The following IL1RAP variants were observed in gnomAD, a reference collection of about 807,000 sequenced individuals.
IL1RAP encodes interleukin 1 receptor accessory protein.
IL1RAP carries 35 observed loss-of-function variants against 60.7 expected under a neutral mutation model. The observed-to-expected ratio is 0.58, with a 90% CI of 0.44 to 0.76. The LOEUF (loss-of-function observed/expected upper bound fraction) is 0.76. Among genes scored for constraint, IL1RAP ranks in the 30% least tolerant of loss-of-function variants. The pLI is 0.00. For missense variants in IL1RAP, 572 were observed against 693.9 expected (o/e 0.82, Z 1.97); for synonymous variants, 268 against 250.9 (o/e 1.07, Z -0.64).
chr3:190,586,029 C>A (rs1216219531), intron 3 of IL1RAP, among the ~76,000 whole-genome samples: 1 of 152,012 alleles, frequency 6.6e-6, no homozygotes, highest in Non-Finnish European at 1.5e-5. Context: ...AGCCTGGACT[C>A]CTCCCCTTGG....
At chr3:190,632,704 T>G (rs1436235802) in intron 9 of IL1RAP, among the ~76,000 whole-genome samples, 1 of 152,226 alleles carries the variant, frequency 6.6e-6, no homozygotes, top group Non-Finnish European at 1.5e-5. Flanking sequence ...TATCCTTCTG[T>G]GTTTTCTTCT....
downstream of IL1RAP, among the ~76,000 whole-genome samples, chr3:190,651,949 G>A (rs1734420513): frequency 2.0e-5 from 3 of 152,080 alleles, no homozygotes; most frequent in East Asian, 1.9e-4. Context: ...GTCGTTTACA[G>A]GAATATTTTT....
intron 1 of IL1RAP, among the ~76,000 whole-genome samples, chr3:190,549,190 G>A (rs971528594): frequency 1.3e-5 from 2 of 152,094 alleles, no homozygotes; most frequent in Non-Finnish European, 2.9e-5. Flanking sequence ...TCCCACCCAG[G>A]AACAAGAGGA....
intron 1 of IL1RAP, among the ~76,000 whole-genome samples, chr3:190,538,684 T>TA (rs748921728): frequency 6.6e-6 from 1 of 152,180 alleles, no homozygotes; most frequent in Non-Finnish European, 1.5e-5. Flanking sequence ...AAGGGACTGA[T>TA]ATGGTTTGGC....
intron 3 of IL1RAP, among the ~76,000 whole-genome samples, chr3:190,590,717 C>CT: frequency 6.6e-6 from 1 of 152,268 alleles, no homozygotes; most frequent in South Asian, 2.1e-4. Flanking sequence ...GCAGCGTTAT[C>CT]TTTTTTGGCT....
chr3:190,582,465 G>T (rs565596068), intron 3 of IL1RAP, among the ~76,000 whole-genome samples: 1 of 151,694 alleles, frequency 6.6e-6, no homozygotes, highest in Non-Finnish European at 1.5e-5. Context: ...GATTACACGC[G>T]TGCGCCACCA....
chr3:190,602,187 G>C (rs1008317318), intron 3 of IL1RAP, among the ~76,000 whole-genome samples: 5 of 152,236 alleles, frequency 3.3e-5, no homozygotes, highest in Non-Finnish European at 5.9e-5. Flanking sequence ...TATAAAATGG[G>C]TATACAGCTC....
intron 2 of IL1RAP, among the ~76,000 whole-genome samples, chr3:190,562,549 G>T (rs1725981378): frequency 6.6e-6 from 1 of 152,044 alleles, no homozygotes; most frequent in African/African-American, 2.4e-5. Context: ...CTTTAGAGAA[G>T]ACCCTACATT....
At chr3:190,605,300 CTTT>C (rs5855340) in intron 4 of IL1RAP, among the ~76,000 whole-genome samples, 1 of 150,254 alleles carries the variant, frequency 6.7e-6, no homozygotes, top group Non-Finnish European at 1.5e-5. Flanking sequence ...CAGTATTCCT[CTTT>C]TTTTTTTCTG....
Position 190,620,428 on chromosome 3 carries a change from G to T in IL1RAP, c.691G>T (p.Val231Leu), listed in dbSNP as rs181996198. Residue 231 changes from valine to leucine, a missense_variant, in exon 6 of 12, where the codon GTA becomes TTA. Coordinates refer to ENST00000447382, the MANE Select transcript of IL1RAP (RefSeq NM_002182.4). ...GTTTCATCTCACCAGGACTCTGACT[G>T]TAAAGGTAGTAGGTAAGCATGATTA... ...RTFHLTRTLT[V>L]KVVGSPKNAV... 2.5e-5 allele frequency: 40 copies of T among 1,611,414 alleles called. No individual in the cohort carries two copies. Among genetic ancestry groups the T allele is most frequent in the Non-Finnish European group, 3.1e-5 (37 of 1,179,058 alleles).
chr3:190,592,623 C>T (rs1468260569), intron 3 of IL1RAP, among the ~76,000 whole-genome samples: 1 of 152,118 alleles, frequency 6.6e-6, no homozygotes, highest in African/African-American at 2.4e-5. Flanking sequence ...CTTGTATTTA[C>T]AAACTAAGAG....
At chr3:190,592,611 C>T (rs1037194681) in intron 3 of IL1RAP, among the ~76,000 whole-genome samples, 6 of 152,126 alleles carry the variant, frequency 3.9e-5, no homozygotes, top group Admixed American at 2.0e-4. Flanking sequence ...TAGAAAGTGA[C>T]GCTTGTATTT....
intron 1 of IL1RAP, among the ~76,000 whole-genome samples, chr3:190,526,422 T>A (rs1722517960): frequency 6.6e-6 from 1 of 152,230 alleles, no homozygotes; most frequent in African/African-American, 2.4e-5. Context: ...TGTGGTGCCT[T>A]ATATGAAGGA....
chr3:190,530,678 A>G (rs1338633307), intron 1 of IL1RAP, among the ~76,000 whole-genome samples: 1 of 152,194 alleles, frequency 6.6e-6, no homozygotes, highest in Non-Finnish European at 1.5e-5. Flanking sequence ...GCTTAAATGA[A>G]ATTGGCTTAT....
At chr3:190,567,550 A>G (rs886436647) in intron 3 of IL1RAP, among the ~76,000 whole-genome samples, 2 of 152,200 alleles carry the variant, frequency 1.3e-5, no homozygotes, top group Non-Finnish European at 2.9e-5. Context: ...TGTGACTTCA[A>G]CGAGTTTCTG....
intron 9 of IL1RAP, among the ~76,000 whole-genome samples, chr3:190,643,223 G>A (rs1179901229): frequency 6.6e-6 from 1 of 152,108 alleles, no homozygotes; most frequent in Non-Finnish European, 1.5e-5. Context: ...GGAGAGCCAG[G>A]TTTCAATAAA....
chr3:190,648,548 C>T lies in IL1RAP; in HGVS notation c.1556C>T (p.Thr519Met), dbSNP rs370635609. 1.2e-5 allele frequency: 20 copies of T among 1,613,932 alleles called. No homozygotes were observed. Among genetic ancestry groups the T allele is most frequent in the Admixed American group, 1.7e-5 (1 of 59,986 alleles). ...TKVKELKRAK[T>M]VLTVIKWKGE... ...GTGAAAGAGCTGAAGAGGGCTAAGA[C>T]GGTGCTCACGGTCATTAAATGGAAA... The change falls in exon 12 of 12, where the codon ACG (threonine) becomes ATG (methionine). Residue 519 changes from threonine to methionine, a missense_variant. Thr to Met is a moderately conservative substitution (Grantham distance 81, BLOSUM62 -1). Coordinates refer to ENST00000447382, the MANE Select transcript of IL1RAP (RefSeq NM_002182.4).
At chr3:190,644,832 T>C (rs191553831) in intron 10 of IL1RAP, among the ~76,000 whole-genome samples, 7 of 152,220 alleles carry the variant, frequency 4.6e-5, no homozygotes, top group African/African-American at 1.7e-4. Context: ...TATTCTACTT[T>C]ATCCTTATAG....
At chr3:190,654,818 C>A (rs770505724), downstream of IL1RAP, among the ~76,000 whole-genome samples, 3 of 152,180 alleles carry the variant, frequency 2.0e-5, no homozygotes, top group East Asian at 1.9e-4. Context: ...CAATTTTGAA[C>A]CTTTTTCCTT....
Sources: gnomAD v4.1 joint callset for allele counts (sites outside exome capture counted in the v4.1 genomes callset) on GRCh38, gnomAD v4.1.1 for gene constraint, MANE v1.5 for transcripts, NCBI Gene and HGNC (gene_info 2026-07-23, HGNC 2026-07-21) for gene names.